The following RPL37 variants were observed in gnomAD, a reference collection of about 807,000 sequenced individuals.
The protein encoded by RPL37 is large ribosomal subunit protein eL37.
Under a neutral mutation model 14.8 loss-of-function variants are expected in RPL37, and 1 was observed. The ratio of observed to expected loss-of-function variants is 0.07; its 90% CI spans 0.02 to 0.32. RPL37 has a LOEUF of 0.32. Among genes scored for constraint, RPL37 ranks in the 10% least tolerant of loss-of-function variants. The pLI is 1.00. For missense variants in RPL37, 100 were observed against 128.3 expected, an observed-to-expected ratio of 0.78 and a Z score of 1.06; for synonymous variants, 53 against 45.8, an observed-to-expected ratio of 1.16 and a Z score of -0.63.
rs763430230 is a variant in RPL37, at chr5:40,826,146, G to A, written c.*6358C>T. The A allele has an allele frequency of 3.9e-5, 6 of 152,020 alleles. No individual in the cohort carries two copies. Among genetic ancestry groups the A allele is most frequent in the Non-Finnish European group, 7.3e-5 (5 of 68,030 alleles). The allele number at this position is 152,020 out of a possible 1,614,324, so 9.4% of individuals were successfully genotyped here. A position where few individuals can be genotyped will look rare whatever the true frequency, so the allele number is the denominator to read the frequency against. The stretch of plus-strand genomic sequence containing the variant: ...ATTTTATTCATATAACACTCCTCAG[G>A]AGTTCAAATAATTTTAATCATTTTT... On this transcript the variant is annotated 3_prime_UTR_variant, in exon 4 of 4. Transcript: ENST00000274242.
In RPL37 at chr5:40,832,571, T is replaced by C. The variant is rs1218116194; in HGVS notation, c.227A>G (p.His76Arg). 1.2e-6 allele frequency: 2 copies of C among 1,613,540 alleles called. No homozygotes were observed. The highest frequency in any genetic ancestry group is 1.7e-6 in the Non-Finnish European group (2 of 1,179,406). The change falls in exon 4 of 4, where the codon CAT (histidine) becomes CGT (arginine). Residue 76 changes from histidine to arginine, a missense_variant and splice_region_variant. By Grantham distance (29) the His-to-Arg change is conservative. Around this residue, in one of 2 missense-constraint regions of RPL37, gnomAD observed 74 missense variants for 69.9 expected, o/e 1.06. Coordinates refer to ENST00000274242, the MANE Select transcript of RPL37 (RefSeq NM_000997.5). Reference sequence around the variant, plus strand: ...AGGTGTTGTTCCTTCACGGAATCCATGCCTGCAGGATGTCAAAAACAAGAA... The same window carrying C: ...AGGTGTTGTTCCTTCACGGAATCCACGCCTGCAGGATGTCAAAAACAAGAA... ...HLKIVYRRFRHGFREGTTPKP... is the reference protein window; with the variant it reads ...HLKIVYRRFRRGFREGTTPKP...
intron 2 of RPL37, 32 bp downstream of exon 2, chr5:40,834,439 C>A: frequency 1.2e-6 from 2 of 1,605,402 alleles, no homozygotes; most frequent in East Asian, 2.2e-5. Flanking sequence ...CAAACAAAAG[C>A]TAACACAGTT....
In RPL37 at chr5:40,829,675, G is replaced by GTATACATATATATA. The variant is rs753431225; in HGVS notation, c.*2828_*2829insTATATATATGTATA. 2 of 65,872 alleles carry GTATACATATATATA rather than the reference G, an allele frequency of 3.0e-5. No homozygotes were observed. The highest frequency in any genetic ancestry group is 5.1e-5 in the African/African-American group (1 of 19,454). The allele number at this position is 65,872 out of a possible 1,614,324, so 4.1% of individuals were successfully genotyped here. On this transcript the variant is annotated 3_prime_UTR_variant, in exon 4 of 4. Coordinates refer to ENST00000274242, the MANE Select transcript of RPL37 (RefSeq NM_000997.5). ...TATCCATCATAGTGTGTGTGTGTGT[G>GTATACATATATATA]TGTATATATATATATATATATATCA...
chr5:40,834,233 T>C lies in RPL37; in HGVS notation c.172A>G (p.Thr58Ala). 1 of 1,614,148 alleles carries C rather than the reference T, an allele frequency of 6.2e-7. No individual in the cohort carries two copies. The highest frequency in any genetic ancestry group is 1.7e-5 in the Admixed American group (1 of 60,014). ...NWSAKAKRRNTTGTGRMRHLK... is the reference protein window; with the variant it reads ...NWSAKAKRRNATGTGRMRHLK... ...TGCCTCATTCGACCAGTTCCGGTGGTATTTCGTCTTTTAGCCTTGGCACTC... is the reference window on the plus strand; with the variant it reads ...TGCCTCATTCGACCAGTTCCGGTGGCATTTCGTCTTTTAGCCTTGGCACTC... The change falls in exon 3 of 4, where the codon ACC (threonine) becomes GCC (alanine). Residue 58 changes from threonine (T) to alanine (A), a missense_variant. Around this residue, in one of 2 missense-constraint regions of RPL37, gnomAD observed 74 missense variants for 69.9 expected, o/e 1.06. Coordinates refer to ENST00000274242, the MANE Select transcript of RPL37 (RefSeq NM_000997.5).
chr5:40,834,604 C>T lies in RPL37; in HGVS notation c.6G>A (p.Thr2=), dbSNP rs780838417. Residue 2 remains threonine (T), a splice_region_variant and synonymous_variant, in exon 2 of 4, where the codon ACG becomes ACA. Coordinates refer to ENST00000274242, the MANE Select transcript of RPL37 (RefSeq NM_000997.5). M[T]KGTSSFGKRR... ...GCTTTCCAAACGATGACGTTCCCTT[C>T]GTCTGCACATTAAAGGAATAAATAG... 7 of 1,610,156 alleles carry T rather than the reference C, an allele frequency of 4.3e-6. No individual in the cohort carries two copies. Among genetic ancestry groups the T allele is most frequent in the Non-Finnish European group, 5.9e-6 (7 of 1,178,960 alleles).
chr5:40,828,622 A>T lies in RPL37; in HGVS notation c.*3882T>A, dbSNP rs774898292. On this transcript the variant is annotated 3_prime_UTR_variant, in exon 4 of 4. Coordinates refer to ENST00000274242, the MANE Select transcript of RPL37 (RefSeq NM_000997.5). ...GCTCTAACATGAGAGAGGTTTATGA[A>T]AAGTAAAGACTAGCCTAAATTTTGC... The T allele has an allele frequency of 6.6e-6, 1 of 152,216 alleles. No individual in the cohort carries two copies. Among genetic ancestry groups the T allele is most frequent in the Admixed American group, 6.5e-5 (1 of 15,278 alleles). 9.4% of individuals were successfully genotyped at this position (152,216 alleles called of 1,614,324 possible).
Position 40,825,590 on chromosome 5 carries a change from T to C in RPL37, c.*6914A>G, listed in dbSNP as rs1163927823. 6.6e-6 allele frequency: 1 copy of C among 152,308 alleles called. No individual in the cohort carries two copies. The highest frequency in any genetic ancestry group is 1.5e-5 in the Non-Finnish European group (1 of 68,110). 9.4% of individuals were successfully genotyped at this position (152,308 alleles called of 1,614,324 possible). On this transcript the variant is annotated 3_prime_UTR_variant, in exon 4 of 4. Transcript: ENST00000274242. ...CTTCCCTGTGACGCAGGGACCATAG[T>C]TTCTGCTCTAATAACACCTTTTCCA... is the stretch of plus-strand genomic sequence containing the variant.
chr5:40,834,386 C>A (rs371322216), intron 2 of RPL37, 85 bp downstream of exon 2: 11 of 1,578,910 alleles, frequency 7.0e-6, no homozygotes, highest in African/African-American at 2.7e-5. Context: ...TTAAGATAGG[C>A]ACCAAATAAA....
At chr5:40,834,133 T>A in intron 3 of RPL37, 48 bp downstream of exon 3, 1 of 1,286,478 alleles carries the variant, frequency 7.8e-7, no homozygotes, top group South Asian at 1.2e-5. Flanking sequence ...ACACGAGGGT[T>A]TCATTCAAGC....
rs1210464716 is a variant in RPL37 at position 40,825,472 on chromosome 5, C to T, written c.*7032G>A. 6.6e-6 allele frequency: 1 copy of T among 152,222 alleles called. No homozygotes were observed. The highest frequency in any genetic ancestry group is 1.5e-5 in the Non-Finnish European group (1 of 68,056). The allele number at this position is 152,222 out of a possible 1,614,324, so 9.4% of individuals were successfully genotyped here. A position where few individuals can be genotyped will look rare whatever the true frequency, so the allele number is the denominator to read the frequency against. ...GGTACGTTCCCAGAGGTTTCTCTCT[C>T]TAGAGCAATCCCTAATAGGACAATT... On this transcript the variant is annotated 3_prime_UTR_variant, in exon 4 of 4. Coordinates refer to ENST00000274242, the MANE Select transcript of RPL37 (RefSeq NM_000997.5).
In RPL37 at chr5:40,832,454, T is replaced by C. The variant is rs764659453; in HGVS notation, c.*50A>G. On this transcript the variant is annotated 3_prime_UTR_variant, in exon 4 of 4. Transcript: ENST00000274242. ...AAAAATACCTTACCAAAACCAGATATGTATTTTTTAAAACCAGAACATTTA... is the reference window on the plus strand; with the variant it reads ...AAAAATACCTTACCAAAACCAGATACGTATTTTTTAAAACCAGAACATTTA... The C allele has an allele frequency of 2.7e-6, 4 of 1,470,396 alleles. No homozygotes were observed. Among genetic ancestry groups the C allele is most frequent in the African/African-American group, 2.8e-5 (2 of 71,944 alleles). 91.1% of individuals were successfully genotyped at this position (1,470,396 alleles called of 1,614,324 possible). A position where few individuals can be genotyped will look rare whatever the true frequency, so the allele number is the denominator to read the frequency against.
rs532756735 is a variant in RPL37, at chr5:40,829,265, T to C, written c.*3239A>G. 1.1e-4 allele frequency: 16 copies of C among 152,228 alleles called. No homozygotes were observed. Among genetic ancestry groups the C allele is most frequent in the Non-Finnish European group, 1.9e-4 (13 of 68,050 alleles). The allele number at this position is 152,228 out of a possible 1,614,324, so 9.4% of individuals were successfully genotyped here. A position where few individuals can be genotyped will look rare whatever the true frequency, so the allele number is the denominator to read the frequency against. On this transcript the variant is annotated 3_prime_UTR_variant, in exon 4 of 4. Coordinates refer to ENST00000274242, the MANE Select transcript of RPL37 (RefSeq NM_000997.5). ...CTATTTAAGAACCTGTTACCTAGTTTCCAGCTTCAAGACTCATCACATGCA... is the reference window on the plus strand; with the variant it reads ...CTATTTAAGAACCTGTTACCTAGTTCCCAGCTTCAAGACTCATCACATGCA...
rs557810426 is a variant in RPL37, at chr5:40,829,875, A to C, written c.*2629T>G. 14 of 152,020 alleles carry C rather than the reference A, an allele frequency of 9.2e-5. No individual in the cohort carries two copies. The East Asian group carries it at 2.5e-3, about 27-fold the overall frequency. 9.4% of individuals were successfully genotyped at this position (152,020 alleles called of 1,614,324 possible). On this transcript the variant is annotated 3_prime_UTR_variant, in exon 4 of 4. Transcript: ENST00000274242. The stretch of plus-strand genomic sequence containing the variant: ...TTTTTAGTAGAGACGGGGTTTCTCC[A>C]TGTTGGTCAGGCTGGTCTCGAACTC...
At position 40,825,869 on chromosome 5, in the gene RPL37, C is replaced by G. The variant is rs1417905238; in HGVS notation, c.*6635G>C. 1 of 152,238 alleles carries G rather than the reference C, an allele frequency of 6.6e-6. No homozygotes were observed. Among genetic ancestry groups the G allele is most frequent in the Non-Finnish European group, 1.5e-5 (1 of 68,116 alleles). The allele number at this position is 152,238 out of a possible 1,614,324, so 9.4% of individuals were successfully genotyped here. A position where few individuals can be genotyped will look rare whatever the true frequency, so the allele number is the denominator to read the frequency against. On this transcript the variant is annotated 3_prime_UTR_variant, in exon 4 of 4. Transcript: ENST00000274242. ...TACAGGTGTGTGCCACTGCACCTGG[C>G]TAATTTTTGTATTTTTAGTGGAGAC...
chr5:40,834,007 T>C (rs1439893751), intron 3 of RPL37, 174 bp downstream of exon 3: 1 of 601,606 alleles, frequency 1.7e-6, no homozygotes, highest in African/African-American at 1.9e-5. Context: ...ATCGTGCCAC[T>C]ACACTCAAGC....
At position 40,833,804 on chromosome 5, in the gene RPL37, T is replaced by C. The variant is rs1358504398; in HGVS notation, c.224+377A>G. 3 of 172,530 alleles carry C rather than the reference T, an allele frequency of 1.7e-5. No homozygotes were observed. The Admixed American group carries it at 1.8e-4, about 10-fold the overall frequency. 10.7% of individuals were successfully genotyped at this position (172,530 alleles called of 1,614,324 possible). ...ATGTCAAGGTTACAGCGGCAGAAGA[T>C]AAAAGCTTTCAACATCTGGCCTGAG... On this transcript the variant is annotated intron_variant, in intron 3 of 3. Coordinates refer to ENST00000274242, the MANE Select transcript of RPL37 (RefSeq NM_000997.5).
rs1459169666 is a variant in RPL37, at chr5:40,826,712, G to C, written c.*5792C>G. 6.6e-6 allele frequency: 1 copy of C among 152,182 alleles called. No homozygotes were observed. Among genetic ancestry groups the C allele is most frequent in the East Asian group, 1.9e-4 (1 of 5,194 alleles). 9.4% of individuals were successfully genotyped at this position (152,182 alleles called of 1,614,324 possible). Reference sequence around the variant, plus strand: ...CCAGATGTGTGACACTCAGGAGAGAGCCGGCATAAAATAGCCCCCAGAGGT... The same window carrying C: ...CCAGATGTGTGACACTCAGGAGAGACCCGGCATAAAATAGCCCCCAGAGGT... On this transcript the variant is annotated 3_prime_UTR_variant, in exon 4 of 4. Transcript: ENST00000274242.
Position 40,834,278 on chromosome 5 carries a change from T to C in RPL37, c.140-13A>G. 1 of 1,612,470 alleles carries C rather than the reference T, an allele frequency of 6.2e-7. No homozygotes were observed. The highest frequency in any genetic ancestry group is 8.5e-7 in the Non-Finnish European group (1 of 1,178,550). On this transcript the variant is annotated splice_polypyrimidine_tract_variant and intron_variant, in intron 2 of 3. Transcript: ENST00000274242. The stretch of plus-strand genomic sequence containing the variant: ...GCACTCCAGTTATCTAAAACATAAG[T>C]TCAGAAAAGATTTCAAACGGTGTTC...
chr5:40,834,388 C>G, intron 2 of RPL37, 83 bp downstream of exon 2: 1 of 1,581,916 alleles, frequency 6.3e-7, no homozygotes, highest in Admixed American at 1.8e-5. Context: ...AAGATAGGCA[C>G]CAAATAAAGT....
Sources: allele counts gnomAD v4.1 joint callset, GRCh38; gene constraint gnomAD v4.1.1; regional missense constraint gnomAD v4.1.1; transcripts MANE v1.5; gene names NCBI Gene and HGNC (gene_info 2026-07-23, HGNC 2026-07-21).